MYO7B: variants seen among roughly 807,000 people sequenced by gnomAD.
MYO7B encodes myosin VIIB, also known as unconventional myosin-VIIb.
MYO7B carries 212 observed loss-of-function variants against 259.7 expected under a neutral mutation model. The ratio of observed to expected loss-of-function variants is 0.82; its 90% confidence interval spans 0.73 to 0.91. The LOEUF is 0.91. MYO7B is among the 40% of genes least tolerant of loss of function. The pLI is 0.00. For synonymous variants in MYO7B, 1,197 were observed against 1,166.4 expected (o/e 1.03, Z -0.54); for missense variants, 2,732 against 2,813.5 (o/e 0.97, Z 0.66).
At chr2:127,543,808 G>C (rs193028466) in intron 1 of MYO7B, among the ~76,000 whole-genome samples, 1 of 150,170 alleles carries the variant, frequency 6.7e-6, no homozygotes. Flanking sequence ...GCAGTGGCGC[G>C]ATCTTGCCTC....
chr2:127,551,816 G>A (rs1693455127), intron 1 of MYO7B, among the ~76,000 whole-genome samples: 1 of 152,186 alleles, frequency 6.6e-6, no homozygotes, highest in South Asian at 2.1e-4. Context: ...AGAGGTCAAG[G>A]TGTTCTGCGG....
Position 127,585,023 on chromosome 2 carries a change from C to A in MYO7B, c.1690+110C>A. 2.2e-6 allele frequency: 3 copies of A among 1,394,420 alleles called. No individual in the cohort carries two copies. Among genetic ancestry groups the A allele is most frequent in the Non-Finnish European group, 3.0e-6 (3 of 1,006,668 alleles). 86.4% of individuals were successfully genotyped at this position (1,394,420 alleles called of 1,614,324 possible). A position where few individuals can be genotyped will look rare whatever the true frequency, so the allele number is the denominator to read the frequency against. ...CTATTTTGCAGCTCTAGCAATGGGG[C>A]AGAGGGATGAGTAGTATGGCTTCTA... On this transcript the variant is annotated intron_variant, in intron 14 of 47. Coordinates refer to ENST00000409816, the MANE Select transcript of MYO7B (RefSeq NM_001393586.1). This position sits in a 1 kb window ranked among gnomAD's most constrained non-coding sequence, Gnocchi z 4.3.
Position 127,627,696 on chromosome 2 carries a change from G to T in MYO7B, c.4460+386G>T, listed in dbSNP as rs1479153397. On this transcript the variant is annotated intron_variant, in intron 33 of 47. Transcript: ENST00000409816. This position sits in a 1 kb window ranked among gnomAD's most constrained non-coding sequence, Gnocchi z 5.6. ...GGAAGGCGACAAGGGACAGTGCCTGGTGTGTCCTGGGGCACAGGGCAGGGC... is the reference window on the plus strand; with the variant it reads ...GGAAGGCGACAAGGGACAGTGCCTGTTGTGTCCTGGGGCACAGGGCAGGGC... The T allele has an allele frequency of 4.3e-6, 2 of 461,332 alleles. No homozygotes were observed. The highest frequency in any genetic ancestry group is 8.7e-6 in the Non-Finnish European group (2 of 230,268). The allele number at this position is 461,332 out of a possible 1,614,324, so 28.6% of individuals were successfully genotyped here. A position where few individuals can be genotyped will look rare whatever the true frequency, so the allele number is the denominator to read the frequency against.
intron 27 of MYO7B, among the ~76,000 whole-genome samples, chr2:127,621,047 C>T (rs181158036): frequency 1.2e-4 from 18 of 152,282 alleles, no homozygotes; most frequent in Non-Finnish European, 2.1e-4. Flanking sequence ...AAACAGAAAA[C>T]ACTTTCTCAC....
intron 1 of MYO7B, among the ~76,000 whole-genome samples, chr2:127,554,980 C>T (rs1693585212): frequency 2.0e-5 from 3 of 148,122 alleles, no homozygotes; most frequent in Admixed American, 1.3e-4. Flanking sequence ...TGGAGTTTCA[C>T]TCTCGTTGCC....
chr2:127,593,020 A>C, intron 17 of MYO7B, 74 bp downstream of exon 17: 6 of 1,516,840 alleles, frequency 4.0e-6, no homozygotes, highest in Non-Finnish European at 5.4e-6. Context: ...TCCAGCCCCC[A>C]GTACCGAGGG....
chr2:127,627,346 T>C lies in MYO7B; in HGVS notation c.4460+36T>C. ...TGAGGGAAGATCTCTTCTTACACAC[T>C]GAGTCCTTGTGATGCATCTGGGGGC... On this transcript the variant is annotated intron_variant, in intron 33 of 47. Transcript: ENST00000409816. The surrounding 1 kb of genome is among the most constrained non-coding windows in gnomAD (Gnocchi z 5.6). 2 of 1,598,856 alleles carry C rather than the reference T, an allele frequency of 1.3e-6. No individual in the cohort carries two copies. Among genetic ancestry groups the C allele is most frequent in the Non-Finnish European group, 1.7e-6 (2 of 1,173,094 alleles).
chr2:127,635,047 G>T (rs146138547), intron 42 of MYO7B, 73 bp from the exon 43 acceptor site: 2 of 1,225,330 alleles, frequency 1.6e-6, no homozygotes, highest in African/African-American at 3.0e-5. Context: ...GGCGCAGTGT[G>T]GGGGGTGGCA....
At chr2:127,550,612 A>G (rs1357770024) in intron 1 of MYO7B, among the ~76,000 whole-genome samples, 1 of 150,798 alleles carries the variant, frequency 6.6e-6, no homozygotes, top group Non-Finnish European at 1.5e-5. Flanking sequence ...AAGCAGAGGG[A>G]AAGTCAGGAA....
rs374243712 is a variant in MYO7B at position 127,580,700 on chromosome 2, C to A, written c.1004-46C>A. 3.2e-6 allele frequency: 5 copies of A among 1,562,274 alleles called. No homozygotes were observed. In the East Asian group the frequency reaches 7.0e-5, roughly 22 times the overall value. On this transcript the variant is annotated intron_variant, in intron 9 of 47. Transcript: ENST00000409816. ...GGGCCAGTCGGGACCTTGCTCCCAT[C>A]GCTCCAGGCTGCTTTCCAACTCAGC...
chr2:127,594,491 G>C (rs1005266635), intron 18 of MYO7B, among the ~76,000 whole-genome samples: 1 of 152,214 alleles, frequency 6.6e-6, no homozygotes, highest in Admixed American at 6.5e-5. Context: ...TGGCTGTGCA[G>C]TAGTCAGGCT....
In MYO7B at chr2:127,559,351, C is replaced by T. The variant is rs1340246479; in HGVS notation, c.-23-349C>T. Among the ~76,000 whole-genome samples the T allele has an allele frequency of 2.0e-5, 3 of 152,200 alleles. No homozygotes were observed. Among genetic ancestry groups the T allele is most frequent in the Non-Finnish European group, 2.9e-5 (2 of 68,040 alleles). On this transcript the variant is annotated intron_variant, in intron 1 of 47. Coordinates refer to ENST00000409816, the MANE Select transcript of MYO7B (RefSeq NM_001393586.1). This position sits in a 1 kb window ranked among gnomAD's most constrained non-coding sequence, Gnocchi z 4.1. ...TGTCTATAGCTCCAGTGGCTGCTTA[C>T]CTGAGCACTTCCCAAGATGTGTGAC...
chr2:127,625,339 C>T (rs759809070), intron 30 of MYO7B, 29 bp from the exon 31 acceptor site: 33 of 1,487,742 alleles, frequency 2.2e-5, no homozygotes, highest in South Asian at 1.9e-4. Context: ...TTGTCTCACT[C>T]GCCCCCGTGG....
At position 127,612,591 on chromosome 2, in the gene MYO7B, G is replaced by T. The variant is rs1228993592; in HGVS notation, c.3386G>T (p.Arg1129Leu). 6.2e-7 allele frequency: 1 copy of T among 1,609,948 alleles called. No homozygotes were observed. Among genetic ancestry groups the T allele is most frequent in the South Asian group, 1.1e-5 (1 of 89,946 alleles). ...TTCATCGTGGGCTACGCCATCCTGC[G>T]GCCCAGCCTCAGGTCAGTTCCCACT... Reference protein sequence around the residue: ...VHFIVGYAILRPSLRDEIYCQ... With the variant: ...VHFIVGYAILLPSLRDEIYCQ... Residue 1129 changes from arginine (R) to leucine (L), a missense_variant, in exon 26 of 48, where the codon CGG becomes CTG. Transcript: ENST00000409816.
At chr2:127,591,373 C>T (rs1679550839) in intron 16 of MYO7B, among the ~76,000 whole-genome samples, 1 of 152,202 alleles carries the variant, frequency 6.6e-6, no homozygotes. Flanking sequence ...GACAGGCAGG[C>T]AGGCCTGAGG....
chr2:127,629,566 AAGG>A, intron 34 of MYO7B, 76 bp from the exon 35 acceptor site: 1 of 1,409,442 alleles, frequency 7.1e-7, no homozygotes, highest in African/African-American at 1.4e-5. Context: ...TCATCTGTCA[AAGG>A]AGATGACCCA....
In MYO7B at chr2:127,629,649, C is replaced by A; in HGVS notation, c.4629C>A (p.Asp1543Glu). 6.2e-7 allele frequency: 1 copy of A among 1,611,868 alleles called. No individual in the cohort carries two copies. Among genetic ancestry groups the A allele is most frequent in the Non-Finnish European group, 8.5e-7 (1 of 1,179,330 alleles). ...ATAGCCTCCCTGCCCTTACAGATGA[C>A]ACCACCCTCCTGGCCTTCAAGAAGG... ...MALQDRKATD[D>E]TTLLAFKKGD... The change falls in exon 35 of 48, where the codon GAC (aspartate) becomes GAA (glutamate). Residue 1543 changes from aspartate to glutamate, a missense_variant. This residue lies in a region of MYO7B where 5 missense variants were observed against 17.7 expected (regional missense o/e 0.28). Coordinates refer to ENST00000409816, the MANE Select transcript of MYO7B (RefSeq NM_001393586.1).
At chr2:127,589,297 G>A (rs1290841841) in intron 15 of MYO7B, among the ~76,000 whole-genome samples, 6 of 146,632 alleles carry the variant, frequency 4.1e-5, no homozygotes, top group Admixed American at 6.7e-5. Flanking sequence ...GTGGGTGGGT[G>A]GATGGATAGA....
chr2:127,629,662 G>T lies in MYO7B; in HGVS notation c.4642G>T (p.Ala1548Ser), dbSNP rs762458539. 5 of 1,612,232 alleles carry T rather than the reference G, an allele frequency of 3.1e-6. No individual in the cohort carries two copies. In the South Asian group the frequency reaches 5.5e-5, roughly 18 times the overall value. Residue 1548 changes from alanine (A) to serine (S), a missense_variant, in exon 35 of 48, where the codon GCC becomes TCC. By Grantham distance (99) the Ala-to-Ser change is moderately conservative. Coordinates refer to ENST00000409816, the MANE Select transcript of MYO7B (RefSeq NM_001393586.1). ...CCTTACAGATGACACCACCCTCCTG[G>T]CCTTCAAGAAGGGGGACCTGTTGGT... ...RKATDDTTLL[A>S]FKKGDLLVLT... is the part of the protein sequence containing the mutation.
Sources: gnomAD v4.1 joint callset for allele counts (sites outside exome capture counted in the v4.1 genomes callset) on GRCh38, gnomAD v4.1.1 for gene constraint, gnomAD v4.1.1 regional missense constraint, Gnocchi (gnomAD v3.1) non-coding constraint, MANE v1.5 for transcripts, NCBI Gene and HGNC (gene_info 2026-07-23, HGNC 2026-07-21) for gene names.